CSNK1D: variants seen among roughly 807,000 people sequenced by gnomAD.
CSNK1D encodes casein kinase I isoform delta.
Under a neutral mutation model 46.6 loss-of-function variants are expected in CSNK1D, and 16 were observed. That is an observed-to-expected ratio of 0.34 (90% CI 0.23 to 0.52). The LOEUF is 0.52. Among genes scored for constraint, CSNK1D ranks in the 20% least tolerant of loss-of-function variants. The probability of loss-of-function intolerance (pLI) is 0.95; values close to 1 mark genes in which losing one functional copy is unlikely to be tolerated. For missense variants in CSNK1D, 398 were observed against 578.4 expected (o/e 0.69, Z 3.20); for synonymous variants, 276 against 228.2 (o/e 1.21, Z -1.89).
In CSNK1D at chr17:82,248,253, C is replaced by T. The variant is rs116469258; in HGVS notation, c.1197+622G>A. ...CTAGTTCAAAGAGCACGTTAGCAAACGCAAAAGACAACAAAAGCCAGAGCG... is the reference window on the plus strand; with the variant it reads ...CTAGTTCAAAGAGCACGTTAGCAAATGCAAAAGACAACAAAAGCCAGAGCG... On this transcript the variant is annotated intron_variant, in intron 8 of 8. Transcript: ENST00000314028. This position sits in a 1 kb window ranked among gnomAD's most constrained non-coding sequence, Gnocchi z 4.1. 276 of 986,278 alleles carry T rather than the reference C, an allele frequency of 2.8e-4. No individual in the cohort carries two copies. The African/African-American group carries it at 4.3e-3, about 15-fold the overall frequency. 61.1% of individuals were successfully genotyped at this position (986,278 alleles called of 1,614,324 possible). A position where few individuals can be genotyped will look rare whatever the true frequency, so the allele number is the denominator to read the frequency against.
chr17:82,251,212 AG>A lies in CSNK1D; in HGVS notation c.885+166del, dbSNP rs1231315867. The A allele has an allele frequency of 1.3e-6, 1 of 750,974 alleles. No homozygotes were observed. Among genetic ancestry groups the A allele is most frequent in the Non-Finnish European group, 2.2e-6 (1 of 452,656 alleles). 46.5% of individuals were successfully genotyped at this position (750,974 alleles called of 1,614,324 possible). On this transcript the variant is annotated intron_variant, in intron 6 of 8. Coordinates refer to ENST00000314028, the MANE Select transcript of CSNK1D (RefSeq NM_001893.6). This position sits in a 1 kb window ranked among gnomAD's most constrained non-coding sequence, Gnocchi z 4.5. ...TTACTTCTTGGCACCCCTTTCTGGC[AG>A]GCAGACACCCACTCAGTCCAGGTCC...
intron 1 of CSNK1D, among the ~76,000 whole-genome samples, chr17:82,268,521 C>T (rs1352578778): frequency 6.6e-6 from 1 of 152,214 alleles, no homozygotes; most frequent in African/African-American, 2.4e-5. Flanking sequence ...CAGGTTAAAT[C>T]CGAGAAGCAC....
rs1227635086 is a variant in CSNK1D at position 82,250,975 on chromosome 17, CG to C, written c.885+403del. ...TCATGACAGGGTCAGTCAGGCTAGA[CG>C]GGTAGCACCTCACCAGGCCCCAACC... is the stretch of plus-strand genomic sequence containing the variant. On this transcript the variant is annotated intron_variant, in intron 6 of 8. Coordinates refer to ENST00000314028, the MANE Select transcript of CSNK1D (RefSeq NM_001893.6). The surrounding 1 kb of genome is among the most constrained non-coding windows in gnomAD (Gnocchi z 4.6). 2.2e-5 allele frequency: 7 copies of C among 315,478 alleles called. No homozygotes were observed. The highest frequency in any genetic ancestry group is 4.3e-5 in the Non-Finnish European group (7 of 162,504). The allele number at this position is 315,478 out of a possible 1,614,324, so 19.5% of individuals were successfully genotyped here.
rs926163037 is a variant in CSNK1D, at chr17:82,248,117, C to G, written c.1197+758G>C. 2 of 985,512 alleles carry G rather than the reference C, an allele frequency of 2.0e-6. No homozygotes were observed. Among genetic ancestry groups the G allele is most frequent in the South Asian group, 4.7e-5 (1 of 21,298 alleles). The allele number at this position is 985,512 out of a possible 1,614,324, so 61.0% of individuals were successfully genotyped here. On this transcript the variant is annotated intron_variant, in intron 8 of 8. Coordinates refer to ENST00000314028, the MANE Select transcript of CSNK1D (RefSeq NM_001893.6). This position sits in a 1 kb window ranked among gnomAD's most constrained non-coding sequence, Gnocchi z 4.1. ...GACCCGTGGGGGATCTGGGCACCCC[C>G]CAGGATGCCTGCTGGTGAAACAGCC...
At position 82,243,634 on chromosome 17, in the gene CSNK1D, T is replaced by C. The variant is rs142018788; in HGVS notation, c.*1147A>G. 408 of 985,526 alleles carry C rather than the reference T, an allele frequency of 4.1e-4. 1 individual carries two copies. In the African/African-American group the frequency reaches 6.4e-3, roughly 16 times the overall value. 61.0% of individuals were successfully genotyped at this position (985,526 alleles called of 1,614,324 possible). A position where few individuals can be genotyped will look rare whatever the true frequency, so the allele number is the denominator to read the frequency against. ...TCCGGTTGGGAGAGTCACCTGCTCC[T>C]TGGCACCTCAGGGTGGGTCCTTCTG... is the stretch of plus-strand genomic sequence containing the variant. On this transcript the variant is annotated 3_prime_UTR_variant, in exon 9 of 9. Transcript: ENST00000314028.
rs1356217593 is a variant in CSNK1D, at chr17:82,247,512, A to T, written c.1197+1363T>A. 6 of 985,382 alleles carry T rather than the reference A, an allele frequency of 6.1e-6. No homozygotes were observed. The African/African-American group carries it at 1.0e-4, about 17-fold the overall frequency. The allele number at this position is 985,382 out of a possible 1,614,324, so 61.0% of individuals were successfully genotyped here. A position where few individuals can be genotyped will look rare whatever the true frequency, so the allele number is the denominator to read the frequency against. On this transcript the variant is annotated intron_variant, in intron 8 of 8. Transcript: ENST00000314028. The stretch of plus-strand genomic sequence containing the variant: ...CCAAGCGCTGGGGCGAGGCTGTCCA[A>T]GTCCGGTCAGCACCCAGCATGGGGA...
chr17:82,249,832 C>T lies in CSNK1D; in HGVS notation c.886-230G>A, dbSNP rs1296479979. ...TCCCCCAACAATCGAAAAAACCCCA[C>T]TCGCCATGGCATCTCCCTGTGGGCT... is the stretch of plus-strand genomic sequence containing the variant. On this transcript the variant is annotated intron_variant, in intron 6 of 8. Coordinates refer to ENST00000314028, the MANE Select transcript of CSNK1D (RefSeq NM_001893.6). The surrounding 1 kb of genome is among the most constrained non-coding windows in gnomAD (Gnocchi z 6.7). The T allele has an allele frequency of 4.9e-6, 7 of 1,431,080 alleles. No individual in the cohort carries two copies. The African/African-American group carries it at 5.7e-5, about 12-fold the overall frequency. 88.6% of individuals were successfully genotyped at this position (1,431,080 alleles called of 1,614,324 possible). A position where few individuals can be genotyped will look rare whatever the true frequency, so the allele number is the denominator to read the frequency against.
chr17:82,252,651 C>T lies in CSNK1D; in HGVS notation c.566-47G>A, dbSNP rs146018413. 7.6e-5 allele frequency: 121 copies of T among 1,590,286 alleles called. No homozygotes were observed. Among genetic ancestry groups the T allele is most frequent in the Admixed American group, 3.5e-4 (20 of 57,000 alleles). On this transcript the variant is annotated intron_variant, in intron 4 of 8. Transcript: ENST00000314028. This position sits in a 1 kb window ranked among gnomAD's most constrained non-coding sequence, Gnocchi z 4.6. Reference sequence around the variant, plus strand: ...GTGAAGAACGGCACTTGCGTGCTCACGTCAAAGCAAAAGACCCGGCTGGCC... The same window carrying T: ...GTGAAGAACGGCACTTGCGTGCTCATGTCAAAGCAAAAGACCCGGCTGGCC...
rs1254091728 is a variant in CSNK1D, at chr17:82,252,261, C to G, written c.736+173G>C. 6.6e-6 allele frequency among the ~76,000 whole-genome samples: 1 copy of G among 152,188 alleles called. No individual in the cohort carries two copies. The highest frequency in any genetic ancestry group is 2.4e-5 in the African/African-American group (1 of 41,436). ...CACTTGGCAAGTAAGTCAAGATGAA[C>G]AGGAGGGCAGGCTGTTACCTCCATA... On this transcript the variant is annotated intron_variant, in intron 5 of 8. Transcript: ENST00000314028. The surrounding 1 kb of genome is among the most constrained non-coding windows in gnomAD (Gnocchi z 4.6).
intron 3 of CSNK1D, 167 bp from the exon 4 acceptor site, chr17:82,253,411 C>G (rs1458514047): frequency 3.0e-6 from 2 of 668,892 alleles, no homozygotes; most frequent in Non-Finnish European, 5.5e-6. Flanking sequence ...ATTGTTCCCC[C>G]AGGTGCCTGC....
At chr17:82,246,403 G>A (rs986258284) in intron 8 of CSNK1D, 19 of 1,224,726 alleles carry the variant, frequency 1.6e-5, no homozygotes, top group East Asian at 9.7e-5. Context: ...GCACATCCTC[G>A]CCGGTACGAC....
rs1213319115 is a variant in CSNK1D, at chr17:82,250,329, C to A, written c.886-727G>T. On this transcript the variant is annotated intron_variant, in intron 6 of 8. Coordinates refer to ENST00000314028, the MANE Select transcript of CSNK1D (RefSeq NM_001893.6). This position sits in a 1 kb window ranked among gnomAD's most constrained non-coding sequence, Gnocchi z 4.6. ...CCAGGCAACACACAGACCGACACAC[C>A]TGCGGCTGCAGCACCGTGCGGCCAG... 1 of 641,104 alleles carries A rather than the reference C, an allele frequency of 1.6e-6. No homozygotes were observed. The highest frequency in any genetic ancestry group is 2.5e-5 in the Admixed American group (1 of 40,116). 39.7% of individuals were successfully genotyped at this position (641,104 alleles called of 1,614,324 possible).
At chr17:82,247,751 C>T in intron 8 of CSNK1D, 1 of 985,432 alleles carries the variant, frequency 1.0e-6, no homozygotes, top group Non-Finnish European at 1.2e-6. Context: ...CGTGACGCAG[C>T]CCAGACCCCT....
intron 3 of CSNK1D, chr17:82,254,489 G>A (rs78023480): frequency 0.016 from 3,654 of 230,932 alleles, 38 homozygotes; most frequent in Non-Finnish European, 0.022. Context: ...CTGAGCCGCC[G>A]GAGCCTCGAG....
In CSNK1D at chr17:82,249,455, G is replaced by A. The variant is rs1249267192; in HGVS notation, c.1033C>T (p.Pro345Ser). Residue 345 changes from proline to serine, a missense_variant, in exon 7 of 9, where the codon CCC becomes TCC. Around this residue, in one of 2 missense-constraint regions of CSNK1D, gnomAD observed 181 missense variants for 208.0 expected, o/e 0.87. Coordinates refer to ENST00000314028, the MANE Select transcript of CSNK1D (RefSeq NM_001893.6). This position sits in a 1 kb window ranked among gnomAD's most constrained non-coding sequence, Gnocchi z 6.7. ...CCCGTGTGTGAGGTAGGGGTGAGGGGTGTGGGGGGAGCCACTTCCTGCGTC... is the reference window on the plus strand; with the variant it reads ...CCCGTGTGTGAGGTAGGGGTGAGGGATGTGGGGGGAGCCACTTCCTGCGTC... ...RGTQEVAPPT[P>S]LTPTSHTANT... The A allele has an allele frequency of 1.9e-6, 3 of 1,539,624 alleles. No individual in the cohort carries two copies. Among genetic ancestry groups the A allele is most frequent in the East Asian group, 2.4e-5 (1 of 40,912 alleles).
intron 8 of CSNK1D, 186 bp from the exon 9 acceptor site, chr17:82,245,017 T>C: frequency 1.4e-6 from 1 of 726,750 alleles, no homozygotes; most frequent in Non-Finnish European, 2.3e-6. Flanking sequence ...GCAGAACGAG[T>C]GACAGGAAGA....
intron 8 of CSNK1D, chr17:82,246,951 G>A: frequency 1.0e-6 from 1 of 985,532 alleles, no homozygotes; most frequent in Non-Finnish European, 1.2e-6. Flanking sequence ...AACGGGAGCT[G>A]CTGCTCACAG....
At chr17:82,242,019 G>A (rs1330977416), downstream of CSNK1D, among the ~76,000 whole-genome samples, 2 of 151,946 alleles carry the variant, frequency 1.3e-5, no homozygotes, top group Non-Finnish European at 2.9e-5. Context: ...CCTGGCCAAG[G>A]GGCCAAGGGA....
chr17:82,245,851 A>C (rs1208371264), intron 8 of CSNK1D: 26 of 962,258 alleles, frequency 2.7e-5, no homozygotes, highest in South Asian at 7.0e-5. Flanking sequence ...AGAGCAGAAG[A>C]AGCCTCACTC....
Sources: allele counts gnomAD v4.1 joint callset (sites outside exome capture counted in the v4.1 genomes callset), GRCh38; gene constraint gnomAD v4.1.1; regional missense constraint gnomAD v4.1.1; non-coding constraint Gnocchi (gnomAD v3.1); transcripts MANE v1.5; gene names NCBI Gene and HGNC (gene_info 2026-07-23, HGNC 2026-07-21).